The following TRAPPC3L variants were observed in gnomAD, a reference collection of about 807,000 sequenced individuals.
TRAPPC3L encodes the protein trafficking protein particle complex subunit 3-like protein.
In TRAPPC3L, 23 loss-of-function variants were observed where a neutral mutation model predicts 23.7. The observed-to-expected ratio is 0.97, with a 90% CI of 0.70 to 1.37. The LOEUF is 1.37. Ranked by LOEUF, TRAPPC3L falls within the 40% of genes most tolerant of loss-of-function variation. The pLI, the probability that TRAPPC3L is intolerant of heterozygous loss-of-function variation, is 0.00. For synonymous variants in TRAPPC3L, 81 were observed against 77.9 expected (o/e 1.04, Z -0.21); for missense variants, 212 against 216.8 (o/e 0.98, Z 0.14).
intron 1 of TRAPPC3L, among the ~76,000 whole-genome samples, chr6:116,544,244 A>G (rs1773639327): frequency 6.6e-6 from 1 of 151,808 alleles, no homozygotes; most frequent in African/African-American, 2.4e-5. Context: ...AAAGTAGAAA[A>G]AATCATACCC....
chr6:116,540,576 A>G (rs1438920566), intron 2 of TRAPPC3L, 114 bp from the exon 3 acceptor site: 17 of 1,026,940 alleles, frequency 1.7e-5, no homozygotes, highest in African/African-American at 3.2e-5. Context: ...CACAAATCAA[A>G]CCAAATATGA....
In TRAPPC3L at chr6:116,506,131, G is replaced by T. The variant is rs1736748129; in HGVS notation, c.241-5465C>A. 2.0e-5 allele frequency among the ~76,000 whole-genome samples: 3 copies of T among 152,126 alleles called. No individual in the cohort carries two copies. The South Asian group carries it at 6.2e-4, about 32-fold the overall frequency. ...TTGCAATCTACCCATCTGGCAAAGG[G>T]TTAATATCCAGAGTCTACAAAGAAC... On this transcript the variant is annotated intron_variant, in intron 3 of 4. Transcript: ENST00000368602.
chr6:116,540,118 A>T (rs1773346485), intron 3 of TRAPPC3L, among the ~76,000 whole-genome samples: 1 of 152,322 alleles, frequency 6.6e-6, no homozygotes, highest in East Asian at 1.9e-4. Flanking sequence ...TGCTTTTTCC[A>T]CTGTGAGACA....
At chr6:116,529,441 C>T (rs2115183280) in intron 3 of TRAPPC3L, among the ~76,000 whole-genome samples, 1 of 152,300 alleles carries the variant, frequency 6.6e-6, no homozygotes, top group East Asian at 1.9e-4. Context: ...GGGGTAGCCT[C>T]CATGCACCCT....
chr6:116,507,919 A>C (rs1772034822), intron 3 of TRAPPC3L, among the ~76,000 whole-genome samples: 1 of 152,214 alleles, frequency 6.6e-6, no homozygotes, highest in African/African-American at 2.4e-5. Context: ...TGTTCAGAGA[A>C]GTCAAATGAC....
intron 3 of TRAPPC3L, among the ~76,000 whole-genome samples, chr6:116,515,203 A>G (rs1772199054): frequency 6.6e-6 from 1 of 152,214 alleles, no homozygotes; most frequent in Admixed American, 6.5e-5. Context: ...ATGCCTAAAA[A>G]TGCCTGGCTG....
intron 2 of TRAPPC3L, among the ~76,000 whole-genome samples, chr6:116,542,534 T>C (rs546589333): frequency 6.6e-6 from 1 of 152,290 alleles, no homozygotes; most frequent in South Asian, 2.1e-4. Flanking sequence ...TTTCCAGTCT[T>C]TCCTCTGTTA....
Position 116,543,298 on chromosome 6 carries a change from C to G in TRAPPC3L, c.140+5G>C, listed in dbSNP as rs1773575533. 1.3e-6 allele frequency: 2 copies of G among 1,544,296 alleles called. No individual in the cohort carries two copies. Among genetic ancestry groups the G allele is most frequent in the African/African-American group, 2.8e-5 (2 of 72,656 alleles). ...ATTCAATAAGAATGAAGGACTTCCA[C>G]TTACATTTTATCTAAATATTGGTTC... On this transcript the variant is annotated splice_donor_5th_base_variant and intron_variant, in intron 2 of 4. Transcript: ENST00000368602.
chr6:116,513,099 G>C (rs1300019708), intron 3 of TRAPPC3L, among the ~76,000 whole-genome samples: 2 of 152,140 alleles, frequency 1.3e-5, no homozygotes, highest in Non-Finnish European at 2.9e-5. Context: ...AAAACAAGTG[G>C]TAAGAGTTGA....
chr6:116,499,822 T>C (rs1349352607), intron 4 of TRAPPC3L, among the ~76,000 whole-genome samples: 1 of 152,256 alleles, frequency 6.6e-6, no homozygotes, highest in Admixed American at 6.5e-5. Context: ...ATTATACTTC[T>C]TTGTACATCT....
intron 3 of TRAPPC3L, among the ~76,000 whole-genome samples, chr6:116,530,532 A>ATT (rs1344381911): frequency 6.6e-6 from 1 of 152,036 alleles, no homozygotes; most frequent in Non-Finnish European, 1.5e-5. Flanking sequence ...GCACAACATC[A>ATT]TTTTTCTTTG....
At chr6:116,531,551 G>A (rs1019347197) in intron 3 of TRAPPC3L, among the ~76,000 whole-genome samples, 1 of 152,090 alleles carries the variant, frequency 6.6e-6, no homozygotes, top group Admixed American at 6.5e-5. Flanking sequence ...GTTCTTTCAT[G>A]GGGTCTGATT....
intron 2 of TRAPPC3L, among the ~76,000 whole-genome samples, chr6:116,541,145 G>C (rs1317387694): frequency 6.6e-6 from 1 of 151,666 alleles, no homozygotes; most frequent in African/African-American, 2.4e-5. Context: ...GAAAACCTTC[G>C]ATTGAGATGT....
At chr6:116,534,069 C>A (rs548906167) in intron 3 of TRAPPC3L, among the ~76,000 whole-genome samples, 4 of 152,066 alleles carry the variant, frequency 2.6e-5, no homozygotes, top group Non-Finnish European at 5.9e-5. Flanking sequence ...AGGATTCCTC[C>A]TTTGGGTACT....
intron 3 of TRAPPC3L, among the ~76,000 whole-genome samples, chr6:116,531,155 A>G (rs1459402056): frequency 6.6e-6 from 1 of 152,026 alleles, no homozygotes. Context: ...TAGCTTGGCT[A>G]GAGCCCTGGA....
At chr6:116,498,298 C>T (rs562392183) in intron 4 of TRAPPC3L, among the ~76,000 whole-genome samples, 2 of 152,246 alleles carry the variant, frequency 1.3e-5, no homozygotes, top group African/African-American at 4.8e-5. Flanking sequence ...ACTTATAATG[C>T]TTTCCCACCT....
At chr6:116,540,314 G>T in intron 3 of TRAPPC3L, 49 bp downstream of exon 3, 2 of 1,515,636 alleles carry the variant, frequency 1.3e-6, no homozygotes, top group Non-Finnish European at 1.8e-6. Flanking sequence ...TACTCAAAAA[G>T]AATCAGAGAT....
At chr6:116,528,849 T>C (rs1050309196) in intron 3 of TRAPPC3L, among the ~76,000 whole-genome samples, 1 of 152,220 alleles carries the variant, frequency 6.6e-6, no homozygotes, top group Non-Finnish European at 1.5e-5. Context: ...AGCAATTCAA[T>C]AGGCTCTTAC....
chr6:116,527,336 T>C (rs1290622370), intron 3 of TRAPPC3L, among the ~76,000 whole-genome samples: 4 of 151,970 alleles, frequency 2.6e-5, no homozygotes, highest in African/African-American at 9.7e-5. Context: ...GCTAACACGC[T>C]GAAACCCCGT....
Sources: gnomAD v4.1 joint callset for allele counts (sites outside exome capture counted in the v4.1 genomes callset) on GRCh38, gnomAD v4.1.1 for gene constraint, MANE v1.5 for transcripts, NCBI Gene and HGNC (gene_info 2026-07-23, HGNC 2026-07-21) for gene names.